ADCYAP1R1: variants seen among roughly 807,000 people sequenced by gnomAD.
ADCYAP1R1 encodes ADCYAP receptor type I.
Under a neutral mutation model 67.6 loss-of-function variants are expected in ADCYAP1R1, and 44 were observed. The observed-to-expected ratio is 0.65, with a 90% confidence interval of 0.51 to 0.84. ADCYAP1R1 has a LOEUF of 0.84. ADCYAP1R1 is among the 40% of genes least tolerant of loss of function. The pLI, the probability that ADCYAP1R1 is intolerant of heterozygous loss-of-function variation, is 0.00. For missense variants in ADCYAP1R1, 477 were observed against 587.9 expected (o/e 0.81, Z 1.95); for synonymous variants, 222 against 219.6 (o/e 1.01, Z -0.10).
chr7:31,070,060 C>G (rs557732613), intron 3 of ADCYAP1R1, among the ~76,000 whole-genome samples: 5 of 152,156 alleles, frequency 3.3e-5, no homozygotes, highest in Non-Finnish European at 7.3e-5. Context: ...GGGGCCAGAG[C>G]CAGCTCTGGG....
At chr7:31,103,147 A>G in intron 13 of ADCYAP1R1, 90 bp from the exon 14 acceptor site, 1 of 1,530,182 alleles carries the variant, frequency 6.5e-7, no homozygotes, top group South Asian at 1.3e-5. Context: ...GAGGGAGAAT[A>G]AGGGACTGGG....
intron 13 of ADCYAP1R1, among the ~76,000 whole-genome samples, chr7:31,098,038 C>T (rs1424838712): frequency 6.6e-6 from 1 of 152,038 alleles, no homozygotes; most frequent in African/African-American, 2.4e-5. Context: ...GTAGCTGGGA[C>T]TGCAGGCACC....
intron 13 of ADCYAP1R1, among the ~76,000 whole-genome samples, chr7:31,096,875 C>T (rs910003508): frequency 6.6e-6 from 1 of 152,144 alleles, no homozygotes; most frequent in African/African-American, 2.4e-5. Flanking sequence ...CCACAGTGAT[C>T]CCTAGGAATG....
intron 8 of ADCYAP1R1, 96 bp downstream of exon 8, chr7:31,084,930 A>G: frequency 8.5e-7 from 1 of 1,183,428 alleles, no homozygotes; most frequent in Non-Finnish European, 1.3e-6. Context: ...TGTCAGCCCT[A>G]GAAGACCCCT....
intron 3 of ADCYAP1R1, among the ~76,000 whole-genome samples, chr7:31,066,761 A>G (rs968493381): frequency 6.6e-5 from 10 of 152,144 alleles, no homozygotes; most frequent in Non-Finnish European, 2.9e-5. Context: ...GGTGTTGAGA[A>G]CCCTTGAGCT....
chr7:31,084,239 A>G lies in ADCYAP1R1; in HGVS notation c.427A>G (p.Thr143Ala), dbSNP rs746335605. 9.9e-6 allele frequency: 16 copies of G among 1,613,858 alleles called. No homozygotes were observed. In the Middle Eastern group the frequency reaches 8.3e-4, roughly 84 times the overall value. Reference sequence around the variant, plus strand: ...TGGGTTTGATGAATATGAATCTGAGACTGGGGACCAGGTGAGTGTCTGCAC... The same window carrying G: ...TGGGTTTGATGAATATGAATCTGAGGCTGGGGACCAGGTGAGTGTCTGCAC... ...ACGFDEYESE[T>A]GDQDYYYLSV... The change falls in exon 7 of 16, where the codon ACT (threonine) becomes GCT (alanine). Residue 143 changes from threonine (T) to alanine (A), a missense_variant. Transcript: ENST00000304166.
Position 31,110,156 on chromosome 7 carries a change from GAGT to G in ADCYAP1R1, c.*3477_*3479del, listed in dbSNP as rs1485619084. The stretch of plus-strand genomic sequence containing the variant: ...TCTCTCTCTCTTTTTTTTTTTTTTT[GAGT>G]AGTACCCTTGCCCTCTTCATGGCCA... On this transcript the variant is annotated 3_prime_UTR_variant, in exon 16 of 16. Coordinates refer to ENST00000304166, the MANE Select transcript of ADCYAP1R1 (RefSeq NM_001118.5). 3 of 111,048 alleles carry G rather than the reference GAGT, an allele frequency of 2.7e-5. No individual in the cohort carries two copies. The highest frequency in any genetic ancestry group is 5.6e-5 in the Non-Finnish European group (3 of 53,180). 6.9% of individuals were successfully genotyped at this position (111,048 alleles called of 1,614,324 possible).
chr7:31,095,641 C>T (rs1284104993), intron 13 of ADCYAP1R1: 1 of 717,500 alleles, frequency 1.4e-6, no homozygotes, highest in Non-Finnish European at 2.6e-6. Context: ...CACAACAGCT[C>T]TCCGGTTTTT....
chr7:31,111,135 G>A lies in ADCYAP1R1; in HGVS notation c.*4451G>A, dbSNP rs937566818. On this transcript the variant is annotated 3_prime_UTR_variant, in exon 16 of 16. Coordinates refer to ENST00000304166, the MANE Select transcript of ADCYAP1R1 (RefSeq NM_001118.5). The stretch of plus-strand genomic sequence containing the variant: ...CCATGCCCCTGGGAGTCAACTTCAA[G>A]GATCTGGGACATTTTGGTGTGCCCA... 6.6e-6 allele frequency: 1 copy of A among 152,220 alleles called. No homozygotes were observed. Among genetic ancestry groups the A allele is most frequent in the Non-Finnish European group, 1.5e-5 (1 of 68,060 alleles). 9.4% of individuals were successfully genotyped at this position (152,220 alleles called of 1,614,324 possible). A position where few individuals can be genotyped will look rare whatever the true frequency, so the allele number is the denominator to read the frequency against.
chr7:31,071,991 CCATCCAT>C, intron 3 of ADCYAP1R1, among the ~76,000 whole-genome samples: 1 of 131,096 alleles, frequency 7.6e-6, no homozygotes, highest in East Asian at 2.5e-4. Flanking sequence ...ATCCATCCAT[CCATCCAT>C]CCAGCCACCC....
At chr7:31,071,722 A>G (rs1427393565) in intron 3 of ADCYAP1R1, among the ~76,000 whole-genome samples, 1 of 152,108 alleles carries the variant, frequency 6.6e-6, no homozygotes, top group Non-Finnish European at 1.5e-5. Flanking sequence ...TAGAAAAACC[A>G]TCCATGTCCG....
rs1238348182 is a variant in ADCYAP1R1 at position 31,064,882 on chromosome 7, C to T, written c.103C>T (p.Leu35=). Residue 35 remains leucine, a synonymous_variant, in exon 3 of 16, where the codon CTG becomes TTG. Coordinates refer to ENST00000304166, the MANE Select transcript of ADCYAP1R1 (RefSeq NM_001118.5). ...CTTCAAGAAGGAGCAAGCCATGTGC[C>T]TGGAGAAGATCCAGAGGGCCAATGA... The part of the protein sequence containing the change: ...CIFKKEQAMC[L]EKIQRANELM... The T allele has an allele frequency of 3.1e-6, 5 of 1,612,916 alleles. No individual in the cohort carries two copies. The highest frequency in any genetic ancestry group is 3.4e-6 in the Non-Finnish European group (4 of 1,179,510).
At chr7:31,063,429 T>A in intron 2 of ADCYAP1R1, 114 bp downstream of exon 2, 2 of 1,198,094 alleles carry the variant, frequency 1.7e-6, no homozygotes, top group Non-Finnish European at 1.2e-6. Context: ...CTGGTATTTC[T>A]GCCAACACCA....
intron 12 of ADCYAP1R1, 22 bp downstream of exon 12, chr7:31,087,718 A>G (rs770007468): frequency 6.2e-7 from 1 of 1,607,360 alleles, no homozygotes; most frequent in South Asian, 1.1e-5. Flanking sequence ...TGGGATGAAG[A>G]GGAAGGGAAG....
At chr7:31,101,380 G>A (rs1397820951) in intron 13 of ADCYAP1R1, among the ~76,000 whole-genome samples, 1 of 152,190 alleles carries the variant, frequency 6.6e-6, no homozygotes. Context: ...ACAGGGACAA[G>A]TACTTGGAAA....
At chr7:31,092,330 C>A (rs1795992899) in intron 12 of ADCYAP1R1, among the ~76,000 whole-genome samples, 1 of 151,924 alleles carries the variant, frequency 6.6e-6, no homozygotes, top group African/African-American at 2.4e-5. Context: ...TACTTTATCT[C>A]TTTTGGGCTG....
intron 12 of ADCYAP1R1, among the ~76,000 whole-genome samples, chr7:31,089,356 T>A (rs758010303): frequency 6.6e-6 from 1 of 152,112 alleles, no homozygotes; most frequent in Non-Finnish European, 1.5e-5. Flanking sequence ...GTAGGGATGA[T>A]GTTTGCTCTA....
chr7:31,084,091 G>C (rs1301117779), intron 6 of ADCYAP1R1, 50 bp from the exon 7 acceptor site: 4 of 1,509,508 alleles, frequency 2.6e-6, no homozygotes, highest in Admixed American at 3.4e-5. Context: ...AAGAATTTCA[G>C]GGCCCTCTTA....
chr7:31,091,052 C>G (rs924139534), intron 12 of ADCYAP1R1, among the ~76,000 whole-genome samples: 1 of 152,190 alleles, frequency 6.6e-6, no homozygotes, highest in Non-Finnish European at 1.5e-5. Context: ...TTTCCATGTT[C>G]CCTTTTCTCT....
Sources: gnomAD v4.1 joint callset for allele counts (sites outside exome capture counted in the v4.1 genomes callset) on GRCh38, gnomAD v4.1.1 for gene constraint, MANE v1.5 for transcripts, NCBI Gene and HGNC (gene_info 2026-07-23, HGNC 2026-07-21) for gene names.